The following TTC39C variants were observed in gnomAD, a reference collection of about 807,000 sequenced individuals.
TTC39C encodes the protein tetratricopeptide repeat domain 39C.
TTC39C carries 33 observed loss-of-function variants against 76.3 expected under a neutral mutation model. That is an observed-to-expected ratio of 0.43 (90% confidence interval 0.33 to 0.58). The LOEUF (loss-of-function observed/expected upper bound fraction) is 0.58. Among genes scored for constraint, TTC39C ranks in the 20% least tolerant of loss-of-function variants. TTC39C has a pLI of 0.04. For missense variants in TTC39C, 595 were observed against 701.4 expected, an observed-to-expected ratio of 0.85 and a Z score of 1.71; for synonymous variants, 254 against 260.6, an observed-to-expected ratio of 0.97 and a Z score of 0.24.
upstream of TTC39C, among the ~76,000 whole-genome samples, chr18:24,012,766 G>A (rs1599231830): frequency 6.6e-6 from 1 of 151,982 alleles, no homozygotes; most frequent in Admixed American, 6.6e-5. Context: ...GTGGCCAGGG[G>A]AGCCCTCCAT....
chr18:24,017,763 T>G (rs1049064277), intron 1 of TTC39C, among the ~76,000 whole-genome samples: 2 of 152,180 alleles, frequency 1.3e-5, no homozygotes, highest in African/African-American at 2.4e-5. Flanking sequence ...CAAATTACCC[T>G]CTCTGTCTCC....
At chr18:24,125,675 T>G in intron 10 of TTC39C, 125 bp downstream of exon 10, 2 of 1,271,156 alleles carry the variant, frequency 1.6e-6, no homozygotes, top group South Asian at 2.8e-5. Flanking sequence ...AGTACACATC[T>G]CTCCTTAGAT....
At chr18:23,997,292 C>T (rs972418824) in intron 1 of TTC39C, among the ~76,000 whole-genome samples, 17 of 150,186 alleles carry the variant, frequency 1.1e-4, no homozygotes, top group Admixed American at 2.0e-4. Context: ...GGCTCATGCC[C>T]GTAATCCCAG....
At chr18:24,017,902 A>G (rs1227661943) in intron 1 of TTC39C, among the ~76,000 whole-genome samples, 1 of 152,214 alleles carries the variant, frequency 6.6e-6, no homozygotes, top group Non-Finnish European at 1.5e-5. Context: ...TTATTAAAGC[A>G]AGAAGGTCAT....
intron 6 of TTC39C, among the ~76,000 whole-genome samples, chr18:24,088,415 G>T (rs939831722): frequency 3.3e-5 from 5 of 152,206 alleles, no homozygotes; most frequent in African/African-American, 1.2e-4. Flanking sequence ...GCAGCTCTTG[G>T]CTCTGAGTGA....
chr18:24,058,314 TA>T (rs1415116643), intron 1 of TTC39C, among the ~76,000 whole-genome samples: 1 of 152,044 alleles, frequency 6.6e-6, no homozygotes, highest in Admixed American at 6.6e-5. Flanking sequence ...AACCTAAAAT[TA>T]AAAAAATTAA....
chr18:24,094,228 C>T (rs1372119658), intron 6 of TTC39C, among the ~76,000 whole-genome samples: 1 of 152,172 alleles, frequency 6.6e-6, no homozygotes, highest in African/African-American at 2.4e-5. Flanking sequence ...ATGTTTTGTC[C>T]TGCGATTGCA....
chr18:24,124,091 C>T (rs1408435824), intron 9 of TTC39C, 148 bp downstream of exon 9: 10 of 564,406 alleles, frequency 1.8e-5, no homozygotes, highest in Non-Finnish European at 2.8e-5. Flanking sequence ...AGGATTCTCT[C>T]CATGATTGTA....
chr18:24,116,982 C>T (rs1156285111), intron 7 of TTC39C, among the ~76,000 whole-genome samples: 1 of 151,904 alleles, frequency 6.6e-6, no homozygotes, highest in Non-Finnish European at 1.5e-5. Context: ...TGCACCACCA[C>T]ACCTGGCTAA....
In TTC39C at chr18:24,122,488, A is replaced by C. The variant is rs1414703040; in HGVS notation, c.1187-1346A>C. Among the ~76,000 whole-genome samples the C allele has an allele frequency of 3.1e-5, 3 of 97,746 alleles. No individual in the cohort carries two copies. The Admixed American group carries it at 4.4e-4, about 14-fold the overall frequency. The allele number at this position is 97,746 out of a possible 152,430, so 64.1% of individuals were successfully genotyped here. A position where few individuals can be genotyped will look rare whatever the true frequency, so the allele number is the denominator to read the frequency against. On this transcript the variant is annotated intron_variant, in intron 8 of 13. Transcript: ENST00000317571. ...CTGCACTCCTGCCTGGTGACAGAGC[A>C]AGACTCCATCTCAAAAAAAAAAAAA...
At chr18:24,060,467 C>T (rs566042572) in intron 1 of TTC39C, among the ~76,000 whole-genome samples, 1 of 151,848 alleles carries the variant, frequency 6.6e-6, no homozygotes, top group East Asian at 1.9e-4. Context: ...ATAGGCATGC[C>T]CAGCTAATTT....
chr18:24,091,174 A>G (rs1419857848), intron 6 of TTC39C, among the ~76,000 whole-genome samples: 1 of 152,258 alleles, frequency 6.6e-6, no homozygotes, highest in Non-Finnish European at 1.5e-5. Context: ...CTTTTCAGCC[A>G]GGCACAGTAG....
In TTC39C at chr18:24,132,811, G is replaced by T; in HGVS notation, c.*237G>T. ...AATAATAACTAACCACCTGGGGAGA[G>T]GGTTAAGTGACCTTGCTCAAACGTT... On this transcript the variant is annotated 3_prime_UTR_variant, in exon 14 of 14. Transcript: ENST00000317571. 1 of 390,928 alleles carries T rather than the reference G, an allele frequency of 2.6e-6. No homozygotes were observed. The highest frequency in any genetic ancestry group is 4.5e-6 in the Non-Finnish European group (1 of 221,286). 24.2% of individuals were successfully genotyped at this position (390,928 alleles called of 1,614,324 possible). A position where few individuals can be genotyped will look rare whatever the true frequency, so the allele number is the denominator to read the frequency against.
chr18:24,020,433 A>T (rs898542744), intron 1 of TTC39C: 5 of 454,914 alleles, frequency 1.1e-5, no homozygotes, highest in Non-Finnish European at 1.4e-5. Flanking sequence ...GTACAAATAC[A>T]CAATGCGAAA....
At chr18:24,038,319 G>A (rs992708627) in intron 1 of TTC39C, among the ~76,000 whole-genome samples, 1 of 152,134 alleles carries the variant, frequency 6.6e-6, no homozygotes, top group African/African-American at 2.4e-5. Flanking sequence ...GTCTCACTCA[G>A]TCGCCCAGGC....
At chr18:24,081,205 T>C (rs1599306729) in intron 5 of TTC39C, among the ~76,000 whole-genome samples, 1 of 152,216 alleles carries the variant, frequency 6.6e-6, no homozygotes, top group East Asian at 1.9e-4. Flanking sequence ...ATAAGCAGTT[T>C]TTGTGACTTT....
rs1179344713 is a variant in TTC39C at position 24,014,865 on chromosome 18, C to T, written c.-7C>T. 1 of 1,345,792 alleles carries T rather than the reference C, an allele frequency of 7.4e-7. No individual in the cohort carries two copies. Among genetic ancestry groups the T allele is most frequent in the South Asian group, 2.0e-5 (1 of 49,196 alleles). The allele number at this position is 1,345,792 out of a possible 1,614,324, so 83.4% of individuals were successfully genotyped here. A position where few individuals can be genotyped will look rare whatever the true frequency, so the allele number is the denominator to read the frequency against. The stretch of plus-strand genomic sequence containing the variant: ...CGCCTCGGCCCAGCGCAGGGCCTCG[C>T]ACGCCCATGGCCGGCTCGGAGCAGC... On this transcript the variant is annotated 5_prime_UTR_variant, in exon 1 of 14. Transcript: ENST00000317571.
chr18:24,086,350 G>GT (rs1488137212), intron 6 of TTC39C, among the ~76,000 whole-genome samples: 2 of 152,158 alleles, frequency 1.3e-5, no homozygotes, highest in African/African-American at 4.8e-5. Flanking sequence ...GCCCGTCAGT[G>GT]TTCATTCTTC....
At chr18:24,077,955 G>T (rs1351915651) in intron 4 of TTC39C, among the ~76,000 whole-genome samples, 1 of 152,092 alleles carries the variant, frequency 6.6e-6, no homozygotes, top group Non-Finnish European at 1.5e-5. Flanking sequence ...CCTTTAGGAG[G>T]GGAAAAAGTC....
Sources: gnomAD v4.1 joint callset for allele counts (sites outside exome capture counted in the v4.1 genomes callset) on GRCh38, gnomAD v4.1.1 for gene constraint, MANE v1.5 for transcripts, NCBI Gene and HGNC (gene_info 2026-07-23, HGNC 2026-07-21) for gene names.